Variants in MARCO observed in about 807,000 individuals in gnomAD.
MARCO encodes macrophage receptor with collagenous structure, also known as macrophage receptor MARCO.
In MARCO, 72 loss-of-function variants were observed where a neutral mutation model predicts 70.0. That is an observed-to-expected ratio of 1.03 (90% CI 0.85 to 1.25). MARCO has a LOEUF of 1.25. MARCO is among the 50% of genes most tolerant of loss of function. The pLI, the probability that MARCO is intolerant of heterozygous loss-of-function variation, is 0.00. For missense variants in MARCO, 696 were observed against 659.3 expected (o/e 1.06, Z -0.61); for synonymous variants, 273 against 243.1 (o/e 1.12, Z -1.14).
At position 118,972,888 on chromosome 2, in the gene MARCO, G is replaced by A. The variant is rs1367124804; in HGVS notation, c.460+1354G>A. On this transcript the variant is annotated intron_variant, in intron 4 of 16. Transcript: ENST00000327097. Reference sequence around the variant, plus strand: ...AACCTTCAAAATCTGCCTGTCACCCGCCCTAGGCACAGTGCTGCCCACCTC... The same window carrying A: ...AACCTTCAAAATCTGCCTGTCACCCACCCTAGGCACAGTGCTGCCCACCTC... Among the ~76,000 whole-genome samples the A allele has an allele frequency of 4.6e-5, 7 of 152,096 alleles. No individual in the cohort carries two copies. The East Asian group carries it at 7.7e-4, about 17-fold the overall frequency.
chr2:118,977,731 T>C, intron 7 of MARCO, 97 bp from the exon 8 acceptor site: 1 of 959,938 alleles, frequency 1.0e-6, no homozygotes, highest in Non-Finnish European at 1.6e-6. Context: ...GGGGATCCCA[T>C]TCCCTTCTCT....
chr2:118,961,742 T>G (rs186594312), intron 1 of MARCO, among the ~76,000 whole-genome samples: 5 of 152,290 alleles, frequency 3.3e-5, no homozygotes, highest in Admixed American at 3.3e-4. Flanking sequence ...ATTTGTCAAT[T>G]TTTGCTTTTG....
chr2:118,992,584 TTTGGGGAGGAG>T, intron 15 of MARCO, 108 bp downstream of exon 15: 1 of 990,880 alleles, frequency 1.0e-6, no homozygotes, highest in Non-Finnish European at 1.6e-6. Flanking sequence ...AATTTCTCAT[TTTGGGGAGGAG>T]TTGAGGGTCT....
At chr2:118,984,633 A>G (rs540086960) in intron 12 of MARCO, among the ~76,000 whole-genome samples, 1 of 152,376 alleles carries the variant, frequency 6.6e-6, no homozygotes, top group East Asian at 1.9e-4. Context: ...GAATTCCAAT[A>G]GGACCATAAT....
intron 1 of MARCO, among the ~76,000 whole-genome samples, chr2:118,953,179 C>T (rs1006800309): frequency 5.3e-5 from 8 of 152,146 alleles, no homozygotes; most frequent in African/African-American, 1.9e-4. Flanking sequence ...TTTAAGGAAA[C>T]AATAACATTT....
At chr2:118,984,103 C>T (rs1346614041) in intron 12 of MARCO, among the ~76,000 whole-genome samples, 1 of 152,186 alleles carries the variant, frequency 6.6e-6, no homozygotes, top group African/African-American at 2.4e-5. Context: ...TAGGCCAGTA[C>T]AAGACAAAGC....
At chr2:118,974,277 C>T (rs1485750989) in intron 4 of MARCO, 56 bp from the exon 5 acceptor site, 10 of 995,016 alleles carry the variant, frequency 1.0e-5, no homozygotes, top group East Asian at 2.6e-5. Context: ...GATTGCATGG[C>T]GTTGTTGCCC....
chr2:118,991,696 T>C (rs2104613760), intron 13 of MARCO, 81 bp from the exon 14 acceptor site: 1 of 762,822 alleles, frequency 1.3e-6, no homozygotes, highest in South Asian at 1.9e-5. Context: ...GGATAACTCA[T>C]TTATTAAACA....
intron 13 of MARCO, 93 bp downstream of exon 13, chr2:118,990,726 C>T: frequency 8.1e-7 from 1 of 1,232,502 alleles, no homozygotes; most frequent in Non-Finnish European, 1.2e-6. Flanking sequence ...GAATGCACAG[C>T]TGTGACCTTC....
At position 118,981,447 on chromosome 2, in the gene MARCO, G is replaced by A. The variant is rs1261166136; in HGVS notation, c.805G>A (p.Val269Ile). ...CAGGGGCATGAAAGGAGATGCAGGGGTCATGGGGCCTCCTGGAGCCCAGGG... is the reference window on the plus strand; with the variant it reads ...CAGGGGCATGAAAGGAGATGCAGGGATCATGGGGCCTCCTGGAGCCCAGGG... ...GDRGMKGDAG[V>I]MGPPGAQGSK... The change falls in exon 9 of 17, where the codon GTC becomes ATC. Residue 269 changes from valine (V) to isoleucine (I), a missense_variant. By Grantham distance (29) the Val-to-Ile change is conservative. This residue lies in a region of MARCO where 605 missense variants were observed against 537.6 expected (regional missense o/e 1.13). Coordinates refer to ENST00000327097, the MANE Select transcript of MARCO (RefSeq NM_006770.4). The A allele has an allele frequency of 6.3e-7, 1 of 1,597,830 alleles. No homozygotes were observed. The highest frequency in any genetic ancestry group is 8.5e-7 in the Non-Finnish European group (1 of 1,176,398).
At chr2:118,992,113 G>C (rs960434523) in intron 14 of MARCO, among the ~76,000 whole-genome samples, 1 of 152,194 alleles carries the variant, frequency 6.6e-6, no homozygotes, top group Non-Finnish European at 1.5e-5. Flanking sequence ...ACATGCACTT[G>C]AGCCATGCCC....
intron 1 of MARCO, among the ~76,000 whole-genome samples, chr2:118,946,682 T>C (rs1679607814): frequency 6.6e-6 from 1 of 152,238 alleles, no homozygotes; most frequent in Non-Finnish European, 1.5e-5. Context: ...CCAAGGTAAA[T>C]GTCCAAAAGT....
At chr2:118,969,983 G>A (rs1680130632) in intron 2 of MARCO, 131 bp from the exon 3 acceptor site, 1 of 777,568 alleles carries the variant, frequency 1.3e-6, no homozygotes, top group Non-Finnish European at 2.2e-6. Context: ...CTCACGCTAG[G>A]TCCTGACAGC....
At chr2:118,976,109 C>T (rs1680278356) in intron 6 of MARCO, among the ~76,000 whole-genome samples, 1 of 152,164 alleles carries the variant, frequency 6.6e-6, no homozygotes, top group Non-Finnish European at 1.5e-5. Context: ...CAGTCATTTC[C>T]TTCAAGAAGG....
intron 12 of MARCO, among the ~76,000 whole-genome samples, chr2:118,985,133 G>A (rs993648545): frequency 6.6e-6 from 1 of 152,046 alleles, no homozygotes; most frequent in Non-Finnish European, 1.5e-5. Flanking sequence ...TTACAAACAA[G>A]GAAGCAAAGG....
In MARCO at chr2:118,960,414, T is replaced by G. The variant is rs1287908466; in HGVS notation, c.98-8746T>G. On this transcript the variant is annotated intron_variant, in intron 1 of 16. Transcript: ENST00000327097. ...TTTAGATAGTTTGTAGATGCAGTTTTTTAAGTTGAGGAAGTTCTCCTCTAT... is the reference window on the plus strand; with the variant it reads ...TTTAGATAGTTTGTAGATGCAGTTTGTTAAGTTGAGGAAGTTCTCCTCTAT... Among the ~76,000 whole-genome samples, 4 of 152,272 alleles carry G rather than the reference T, an allele frequency of 2.6e-5. No homozygotes were observed. The East Asian group carries it at 5.8e-4, about 22-fold the overall frequency.
intron 1 of MARCO, among the ~76,000 whole-genome samples, chr2:118,945,963 TCA>T (rs1470806027): frequency 2.6e-5 from 4 of 152,206 alleles, no homozygotes; most frequent in Non-Finnish European, 5.9e-5. Context: ...CCGTTCAGGC[TCA>T]GTCTTGCAAC....
In MARCO at chr2:118,991,828, AG is replaced by A; in HGVS notation, c.1163del (p.Gly388GlufsTer14). ...GGGAGCCCAGGGCTGGCAGGTCCCA[AG>A]GGAGCCCCTGGACAAGCTGGCCAGA... ...EQGSPGLAGP[K>X]GAPGQAGQKG... On this transcript the variant is annotated frameshift_variant, in exon 14 of 17. Coordinates refer to ENST00000327097, the MANE Select transcript of MARCO (RefSeq NM_006770.4). LOFTEE classifies it high-confidence loss of function. 1 of 1,601,406 alleles carries A rather than the reference AG, an allele frequency of 6.2e-7. No individual in the cohort carries two copies. The highest frequency in any genetic ancestry group is 8.5e-7 in the Non-Finnish European group (1 of 1,175,262).
intron 1 of MARCO, among the ~76,000 whole-genome samples, chr2:118,953,565 G>A (rs1007742493): frequency 1.3e-5 from 2 of 152,196 alleles, no homozygotes; most frequent in African/African-American, 4.8e-5. Flanking sequence ...GATGGTGGAT[G>A]AGAGGCGGGA....
Sources: allele counts gnomAD v4.1 joint callset (sites outside exome capture counted in the v4.1 genomes callset), GRCh38; gene constraint gnomAD v4.1.1; regional missense constraint gnomAD v4.1.1; transcripts MANE v1.5; gene names NCBI Gene and HGNC (gene_info 2026-07-23, HGNC 2026-07-21).